The following CMKLR1 variants were observed in gnomAD, a reference collection of about 807,000 sequenced individuals.
CMKLR1 encodes chemerin-like receptor 1.
CMKLR1 carries 6 observed loss-of-function variants against 8.2 expected under a neutral mutation model. That is an observed-to-expected ratio of 0.73 (90% CI 0.40 to 1.44). The LOEUF (loss-of-function observed/expected upper bound fraction) is 1.44, where lower values mean the gene tolerates loss of function less well. Among genes scored for constraint, CMKLR1 ranks in the 40% most tolerant of loss-of-function variants. CMKLR1 has a pLI of 0.02. For synonymous variants in CMKLR1, 178 were observed against 181.2 expected, an observed-to-expected ratio of 0.98 and a Z score of 0.14; for missense variants, 429 against 478.0, an observed-to-expected ratio of 0.90 and a Z score of 0.96.
intron 1 of CMKLR1, among the ~76,000 whole-genome samples, 155 bp from the exon 2 acceptor site, chr12:108,330,362 A>T (rs1892077841): frequency 6.6e-6 from 1 of 152,196 alleles, no homozygotes; most frequent in African/African-American, 2.4e-5. Flanking sequence ...TCCCTGCAGA[A>T]CTCTGCTAAG....
In CMKLR1 at chr12:108,320,467, CTG is replaced by C. The variant is rs1017141330; in HGVS notation, c.-74+9526_-74+9527del. 7.2e-5 allele frequency: 11 copies of C among 152,270 alleles called. No individual in the cohort carries two copies. In the East Asian group the frequency reaches 9.6e-4, roughly 13 times the overall value. The allele number at this position is 152,270 out of a possible 1,614,324, so 9.4% of individuals were successfully genotyped here. A position where few individuals can be genotyped will look rare whatever the true frequency, so the allele number is the denominator to read the frequency against. ...CAGAATTAACATCCCAGCCCTCAGA[CTG>C]TGAATACCTCTCCCCCACATTTAGA... is the stretch of plus-strand genomic sequence containing the variant. On this transcript the variant is annotated intron_variant, in intron 2 of 3. Transcript: ENST00000550402.
At chr12:108,304,960 T>C (rs890085006) in intron 2 of CMKLR1, among the ~76,000 whole-genome samples, 1 of 152,198 alleles carries the variant, frequency 6.6e-6, no homozygotes, top group Non-Finnish European at 1.5e-5. Context: ...GCTCTGCAAA[T>C]GACCATGTTT....
At chr12:108,324,836 G>GCT (rs374373471) in intron 2 of CMKLR1, among the ~76,000 whole-genome samples, 4 of 151,344 alleles carry the variant, frequency 2.6e-5, no homozygotes, top group African/African-American at 9.7e-5. Context: ...CCCACAATGT[G>GCT]GTGGGTGGCC....
At chr12:108,302,314 C>T (rs1891299230) in intron 2 of CMKLR1, among the ~76,000 whole-genome samples, 2 of 152,244 alleles carry the variant, frequency 1.3e-5, no homozygotes, top group Non-Finnish European at 2.9e-5. Flanking sequence ...TCTGTGATGG[C>T]TCCTGAGTGA....
At chr12:108,334,456 A>T (rs535178301) in intron 1 of CMKLR1, among the ~76,000 whole-genome samples, 2 of 152,204 alleles carry the variant, frequency 1.3e-5, no homozygotes, top group African/African-American at 4.8e-5. Context: ...TCTCTTTTAC[A>T]CAGCCAGTGG....
intron 2 of CMKLR1, among the ~76,000 whole-genome samples, chr12:108,318,618 A>G (rs1179456052): frequency 6.6e-6 from 1 of 152,172 alleles, no homozygotes; most frequent in Non-Finnish European, 1.5e-5. Flanking sequence ...GTCACCCCAG[A>G]GGGCAGATCT....
intron 2 of CMKLR1, among the ~76,000 whole-genome samples, chr12:108,303,088 G>A (rs1274575282): frequency 1.3e-5 from 2 of 152,228 alleles, no homozygotes; most frequent in Non-Finnish European, 2.9e-5. Context: ...CCGAGCCACA[G>A]TGGCCAGGCA....
rs58660471 is a variant in CMKLR1, at chr12:108,309,678, G to A, written c.-73-16014C>T. Among the ~76,000 whole-genome samples the A allele has an allele frequency of 7.0e-3, 1,062 of 152,336 alleles. 10 individuals are homozygous for A. The highest frequency in any genetic ancestry group is 0.022 in the African/African-American group (903 of 41,566). ...GATCGTGGCACAGTCAGTATTCTGA[G>A]ATGTCACCTAAATTCCAGGCTTCCA... On this transcript the variant is annotated intron_variant, in intron 2 of 3. Coordinates refer to ENST00000550402, the MANE Select transcript of CMKLR1 (RefSeq NM_001142343.2).
At chr12:108,333,996 C>T (rs780583892) in intron 1 of CMKLR1, among the ~76,000 whole-genome samples, 5 of 152,254 alleles carry the variant, frequency 3.3e-5, no homozygotes, top group Admixed American at 6.5e-5. Flanking sequence ...CAGTCCTGGC[C>T]TACGGCCACC....
chr12:108,311,562 G>A lies in CMKLR1; in HGVS notation c.-73-17898C>T, dbSNP rs1891575467. On this transcript the variant is annotated intron_variant, in intron 2 of 3. Transcript: ENST00000550402. ...GCTCGCTTGAGCCCAGGAAGTCGAGGCTGCAGTGAGCTATGATTGCACCAC... is the reference window on the plus strand; with the variant it reads ...GCTCGCTTGAGCCCAGGAAGTCGAGACTGCAGTGAGCTATGATTGCACCAC... 2.0e-5 allele frequency among the ~76,000 whole-genome samples: 3 copies of A among 152,348 alleles called. No homozygotes were observed. In the South Asian group the frequency reaches 6.2e-4, roughly 32 times the overall value.
intron 2 of CMKLR1, among the ~76,000 whole-genome samples, chr12:108,324,063 C>T (rs1891924930): frequency 6.6e-6 from 1 of 152,118 alleles, no homozygotes; most frequent in Non-Finnish European, 1.5e-5. Flanking sequence ...CAGGGAGACC[C>T]CAGAGTTTAC....
At chr12:108,308,348 G>A (rs1002631429) in intron 2 of CMKLR1, among the ~76,000 whole-genome samples, 4 of 152,204 alleles carry the variant, frequency 2.6e-5, no homozygotes, top group Non-Finnish European at 5.9e-5. Context: ...TGCTCCCTCA[G>A]TGAAGTCCAC....
chr12:108,329,397 T>C (rs1002649630), intron 2 of CMKLR1, among the ~76,000 whole-genome samples: 1 of 152,230 alleles, frequency 6.6e-6, no homozygotes, highest in Non-Finnish European at 1.5e-5. Flanking sequence ...CAACTGCTCC[T>C]ATAAGCAACT....
chr12:108,325,716 G>A (rs1223408710), intron 2 of CMKLR1, among the ~76,000 whole-genome samples: 4 of 152,068 alleles, frequency 2.6e-5, no homozygotes, highest in Admixed American at 6.5e-5. Context: ...CCAAGCCACC[G>A]AATTCCAGAA....
At chr12:108,296,434 G>T (rs1363075207) in intron 2 of CMKLR1, among the ~76,000 whole-genome samples, 3 of 152,136 alleles carry the variant, frequency 2.0e-5, no homozygotes, top group Admixed American at 6.5e-5. Flanking sequence ...TTCTAAAATG[G>T]TCTTTGCCTG....
At chr12:108,312,869 C>G (rs983797327) in intron 2 of CMKLR1, among the ~76,000 whole-genome samples, 5 of 152,274 alleles carry the variant, frequency 3.3e-5, no homozygotes, top group South Asian at 2.1e-4. Context: ...AAATCACCCC[C>G]CTCTGCACAG....
Position 108,291,499 on chromosome 12 carries a change from C to A in CMKLR1, c.*342G>T. ...GAATGGACCTTGGAGAGTGTCATTT[C>A]TGGGGCACACACAATAGGCAGCTTA... is the stretch of plus-strand genomic sequence containing the variant. On this transcript the variant is annotated 3_prime_UTR_variant, in exon 4 of 4. Coordinates refer to ENST00000550402, the MANE Select transcript of CMKLR1 (RefSeq NM_001142343.2). 1 of 258,574 alleles carries A rather than the reference C, an allele frequency of 3.9e-6. No individual in the cohort carries two copies. 16.0% of individuals were successfully genotyped at this position (258,574 alleles called of 1,614,324 possible).
At chr12:108,328,313 G>A (rs1188143126) in intron 2 of CMKLR1, among the ~76,000 whole-genome samples, 1 of 152,148 alleles carries the variant, frequency 6.6e-6, no homozygotes, top group African/African-American at 2.4e-5. Context: ...CAAGAATGCT[G>A]ATCTCCCGCA....
intron 3 of CMKLR1, 68 bp downstream of exon 3, chr12:108,293,521 C>A: frequency 6.6e-7 from 1 of 1,524,162 alleles, no homozygotes; most frequent in South Asian, 1.2e-5. Context: ...TGTTGTGATC[C>A]CCCTGTGCAC....
Sources: gnomAD v4.1 joint callset for allele counts (sites outside exome capture counted in the v4.1 genomes callset) on GRCh38, gnomAD v4.1.1 for gene constraint, MANE v1.5 for transcripts, NCBI Gene and HGNC (gene_info 2026-07-23, HGNC 2026-07-21) for gene names.